The following TENM3 variants were observed in gnomAD, a reference collection of about 807,000 sequenced individuals.
TENM3 encodes the protein teneurin-3.
A neutral mutation model predicts 255.1 loss-of-function variants in TENM3; 63 were observed. That is an observed-to-expected ratio of 0.25 (90% CI 0.20 to 0.30). The LOEUF (loss-of-function observed/expected upper bound fraction) is 0.30. Ranked by LOEUF, TENM3 falls within the 10% of genes least tolerant of loss-of-function variation. The pLI is 1.00. For synonymous variants in TENM3, 1,306 were observed against 1,322.3 expected, an observed-to-expected ratio of 0.99 and a Z score of 0.27; for missense variants, 2,929 against 3,461.1, an observed-to-expected ratio of 0.85 and a Z score of 3.86.
the TENM3 span, among the ~76,000 whole-genome samples, chr4:182,101,478 A>G: frequency 5.6e-4 from 85 of 152,276 alleles, 1 homozygote; most frequent in African/African-American, 1.8e-3. Flanking sequence ...TCTTAGCCCA[A>G]CCCTCTAGAC....
In TENM3 at chr4:182,273,155, T is replaced by C. The variant is rs939947848; in HGVS notation, c.-76+29679T>C. ...CCAGACATAATCATAACAAAATAAC[T>C]AACACTGTTTGAACACAGGTTAGGT... On this transcript the variant is annotated intron_variant, in intron 1 of 27. Coordinates refer to ENST00000511685, the MANE Select transcript of TENM3 (RefSeq NM_001080477.4). Among the ~76,000 whole-genome samples the C allele has an allele frequency of 2.0e-5, 3 of 152,338 alleles. No homozygotes were observed. The South Asian group carries it at 6.2e-4, about 32-fold the overall frequency.
chr4:182,470,369 C>T (rs1229797760), intron 3 of TENM3, among the ~76,000 whole-genome samples: 1 of 152,128 alleles, frequency 6.6e-6, no homozygotes, highest in African/African-American at 2.4e-5. Flanking sequence ...TATTTAACCC[C>T]GTTTAACATA....
chr4:182,105,955 T>G, the TENM3 span, among the ~76,000 whole-genome samples: 3 of 152,214 alleles, frequency 2.0e-5, no homozygotes. Flanking sequence ...GTAACGAAAC[T>G]GCACTTGTAC....
chr4:181,813,922 C>T, the TENM3 span, among the ~76,000 whole-genome samples: 6 of 151,430 alleles, frequency 4.0e-5, no homozygotes, highest in Non-Finnish European at 5.9e-5. Flanking sequence ...ACAGAACTTT[C>T]AATTAATAAG....
At chr4:182,753,325 C>T in intron 20 of TENM3, 125 bp from the exon 21 acceptor site, 1 of 728,986 alleles carries the variant, frequency 1.4e-6, no homozygotes, top group East Asian at 2.5e-5. Context: ...ATCTGCAGTC[C>T]TACCTGCTAC....
chr4:181,571,934 T>C, the TENM3 span, among the ~76,000 whole-genome samples: 1 of 152,160 alleles, frequency 6.6e-6, no homozygotes, highest in African/African-American at 2.4e-5. Flanking sequence ...AAAAAGAGAA[T>C]ATATGTATAT....
chr4:181,902,115 AT>A, the TENM3 span, among the ~76,000 whole-genome samples: 1 of 9,574 alleles, frequency 1.0e-4, no homozygotes, highest in Admixed American at 1.2e-3. Flanking sequence ...GCATGTGAGC[AT>A]ACACACACAC....
chr4:182,232,764 T>C (rs1402398721), intron 1 of TENM3, among the ~76,000 whole-genome samples: 1 of 152,106 alleles, frequency 6.6e-6, no homozygotes, highest in Non-Finnish European at 1.5e-5. Flanking sequence ...TTCCAGCAGA[T>C]GCCTGAAGCC....
chr4:181,630,318 T>A, the TENM3 span, among the ~76,000 whole-genome samples: 1 of 152,086 alleles, frequency 6.6e-6, no homozygotes, highest in Non-Finnish European at 1.5e-5. Context: ...TTTGAAGGGT[T>A]TTTTTGTGTC....
the TENM3 span, among the ~76,000 whole-genome samples, chr4:182,106,053 G>A: frequency 4.1e-4 from 63 of 152,228 alleles, no homozygotes; most frequent in Non-Finnish European, 6.3e-4. Flanking sequence ...GGTGTGGTAG[G>A]CCCCCACCCT....
chr4:181,611,722 A>T, the TENM3 span, among the ~76,000 whole-genome samples: 4 of 152,352 alleles, frequency 2.6e-5, no homozygotes, highest in Middle Eastern at 3.4e-3. Context: ...AATGCAAATA[A>T]AATGCTGCAC....
chr4:182,035,803 C>T, the TENM3 span, among the ~76,000 whole-genome samples: 3 of 152,138 alleles, frequency 2.0e-5, no homozygotes, highest in Non-Finnish European at 4.4e-5. Context: ...CTGCTTAAAT[C>T]CCTCCAAAGG....
At chr4:181,582,331 C>T in the TENM3 span, among the ~76,000 whole-genome samples, 46 of 152,130 alleles carry the variant, frequency 3.0e-4, no homozygotes, top group African/African-American at 1.1e-3. Context: ...GGTGTGTGAA[C>T]AAGTGCTAGC....
At chr4:182,682,080 T>A in intron 11 of TENM3, 66 bp downstream of exon 11, 1 of 1,293,652 alleles carries the variant, frequency 7.7e-7, no homozygotes, top group Non-Finnish European at 1.1e-6. Flanking sequence ...GATATTTTAA[T>A]CTTTAAACCT....
the TENM3 span, among the ~76,000 whole-genome samples, chr4:182,108,168 A>G: frequency 6.6e-6 from 1 of 152,164 alleles, no homozygotes; most frequent in Non-Finnish European, 1.5e-5. Flanking sequence ...GTACCCTGCT[A>G]CTATTCCCAG....
At chr4:181,872,912 G>T in the TENM3 span, among the ~76,000 whole-genome samples, 1 of 151,782 alleles carries the variant, frequency 6.6e-6, no homozygotes, top group African/African-American at 2.4e-5. Flanking sequence ...TGGATTTGTT[G>T]ATTTTCTTTA....
At chr4:182,649,040 A>G (rs1423261086) in intron 5 of TENM3, among the ~76,000 whole-genome samples, 1 of 152,116 alleles carries the variant, frequency 6.6e-6, no homozygotes, top group Non-Finnish European at 1.5e-5. Flanking sequence ...TTCTGTGAAT[A>G]TTGTTGTTTA....
At chr4:181,936,251 T>A in the TENM3 span, among the ~76,000 whole-genome samples, 1 of 151,876 alleles carries the variant, frequency 6.6e-6, no homozygotes, top group African/African-American at 2.4e-5. Context: ...AAAAATAAGC[T>A]GGGCATGGTG....
At chr4:181,827,747 C>T in the TENM3 span, among the ~76,000 whole-genome samples, 1 of 152,112 alleles carries the variant, frequency 6.6e-6, no homozygotes, top group Non-Finnish European at 1.5e-5. Context: ...ATGAGGCAGT[C>T]GGAACCAGGT....
Sources: allele counts gnomAD v4.1 joint callset (sites outside exome capture counted in the v4.1 genomes callset), GRCh38; gene constraint gnomAD v4.1.1; transcripts MANE v1.5; gene names NCBI Gene and HGNC (gene_info 2026-07-23, HGNC 2026-07-21).